Variants in SLC4A10 observed in about 807,000 individuals in gnomAD.
SLC4A10 encodes the protein solute carrier family 4 member 10, also known as sodium-driven chloride bicarbonate exchanger.
Under a neutral mutation model 137.7 loss-of-function variants are expected in SLC4A10, and 42 were observed. That is an observed-to-expected ratio of 0.30 (90% CI 0.24 to 0.39). SLC4A10 has a LOEUF of 0.39. SLC4A10 is among the 10% of genes least tolerant of loss of function. SLC4A10 has a pLI of 1.00. For synonymous variants in SLC4A10, 474 were observed against 464.1 expected (o/e 1.02, Z -0.27); for missense variants, 925 against 1,355.0 (o/e 0.68, Z 4.98).
Position 161,862,927 on chromosome 2 carries a change from C to G in SLC4A10, c.631C>G (p.His211Asp). The G allele has an allele frequency of 6.2e-7, 1 of 1,612,714 alleles. No homozygotes were observed. Among genetic ancestry groups the G allele is most frequent in the Non-Finnish European group, 8.5e-7 (1 of 1,179,304 alleles). The change falls in exon 6 of 27, where the codon CAT becomes GAT. Residue 211 changes from histidine to aspartate, a missense_variant. His to Asp is a moderately conservative substitution (Grantham distance 81). Transcript: ENST00000446997. ...AGGTCAGCTGAATGAAGATGTACGC[C>G]ATAGGGTCCATGAGGCATTGATGAA... ...SSGQLNEDVRHRVHEALMKQH... is the reference protein window; with the variant it reads ...SSGQLNEDVRDRVHEALMKQH...
At chr2:161,854,193 AC>A (rs1340474886) in intron 4 of SLC4A10, among the ~76,000 whole-genome samples, 1 of 152,200 alleles carries the variant, frequency 6.6e-6, no homozygotes, top group East Asian at 1.9e-4. Flanking sequence ...AGGATTAGAG[AC>A]CAAATTCCTA....
At chr2:161,828,794 ATATATATATATATATG>A (rs1195526661) in intron 3 of SLC4A10, among the ~76,000 whole-genome samples, 1 of 118,578 alleles carries the variant, frequency 8.4e-6, no homozygotes, top group African/African-American at 3.3e-5. Context: ...ATATATATAT[ATATATATATATATATG>A]TATAATCTAC....
At position 161,748,436 on chromosome 2, in the gene SLC4A10, T is replaced by TTGTGTGTGTG. The variant is rs144251917; in HGVS notation, c.49-22510_49-22501dup. Among the ~76,000 whole-genome samples the TTGTGTGTGTG allele has an allele frequency of 2.8e-3, 397 of 142,516 alleles. 4 individuals carry two copies. Among genetic ancestry groups the TTGTGTGTGTG allele is most frequent in the African/African-American group, 7.7e-3 (300 of 39,018 alleles). 93.5% of individuals were successfully genotyped at this position (142,516 alleles called of 152,430 possible). On this transcript the variant is annotated intron_variant, in intron 1 of 26. Coordinates refer to ENST00000446997, the MANE Select transcript of SLC4A10 (RefSeq NM_001178015.2). Reference sequence around the variant, plus strand: ...GTCTATGTCTTAAGCCATTTTGAGTTTGTGTGTGTGTGTGTGTGTGTGTGT... The same window carrying TTGTGTGTGTG: ...GTCTATGTCTTAAGCCATTTTGAGTTTGTGTGTGTGTGTGTGTGTGTGTGTGTGTGTGTGT...
Position 161,956,977 on chromosome 2 carries a change from T to C in SLC4A10, c.2542-12T>C, listed in dbSNP as rs1217429607. On this transcript the variant is annotated splice_polypyrimidine_tract_variant and intron_variant, in intron 19 of 26. Coordinates refer to ENST00000446997, the MANE Select transcript of SLC4A10 (RefSeq NM_001178015.2). ...CACAGTTTCTTTCTCTCTTTCTTTC[T>C]TTTTTAAACAGAAAGGTTGTGGGTA... The C allele has an allele frequency of 5.2e-6, 8 of 1,546,678 alleles. No homozygotes were observed. Among genetic ancestry groups the C allele is most frequent in the Non-Finnish European group, 7.0e-6 (8 of 1,146,528 alleles).
At chr2:161,959,365 T>C (rs1380916893) in intron 21 of SLC4A10, among the ~76,000 whole-genome samples, 3 of 152,238 alleles carry the variant, frequency 2.0e-5, no homozygotes, top group Non-Finnish European at 4.4e-5. Context: ...CAGATGGTTC[T>C]GGTTCAGGAT....
chr2:161,639,582 A>C (rs949534217), intron 1 of SLC4A10, among the ~76,000 whole-genome samples: 1 of 152,136 alleles, frequency 6.6e-6, no homozygotes, highest in Non-Finnish European at 1.5e-5. Context: ...TCCCTTTGTG[A>C]TAAAAACCCT....
At chr2:161,786,767 G>T (rs1389842737) in intron 2 of SLC4A10, among the ~76,000 whole-genome samples, 1 of 150,938 alleles carries the variant, frequency 6.6e-6, no homozygotes, top group African/African-American at 2.4e-5. Flanking sequence ...TTTATGACAG[G>T]AGAGTATTGT....
At chr2:161,963,433 G>T (rs983946833) in intron 21 of SLC4A10, among the ~76,000 whole-genome samples, 2 of 152,014 alleles carry the variant, frequency 1.3e-5, no homozygotes, top group African/African-American at 4.8e-5. Context: ...AGTTAATCAA[G>T]AAATTAAATA....
intron 3 of SLC4A10, among the ~76,000 whole-genome samples, chr2:161,812,329 C>T (rs1454751886): frequency 6.6e-6 from 1 of 151,966 alleles, no homozygotes; most frequent in Non-Finnish European, 1.5e-5. Flanking sequence ...TTGCTCATAT[C>T]CCTCTACTTT....
At chr2:161,633,167 T>C (rs563504659) in intron 1 of SLC4A10, among the ~76,000 whole-genome samples, 2 of 151,806 alleles carry the variant, frequency 1.3e-5, no homozygotes, top group South Asian at 4.1e-4. Context: ...AGATGCACTT[T>C]CAACTTATGA....
chr2:161,838,787 A>G (rs2058984761), intron 3 of SLC4A10, among the ~76,000 whole-genome samples: 1 of 152,252 alleles, frequency 6.6e-6, no homozygotes, highest in African/African-American at 2.4e-5. Flanking sequence ...ACTACATAGA[A>G]TGGCTACAAA....
intron 1 of SLC4A10, among the ~76,000 whole-genome samples, chr2:161,706,690 T>A: frequency 6.6e-6 from 1 of 151,566 alleles, no homozygotes; most frequent in Non-Finnish European, 1.5e-5. Context: ...CTCCTGACGC[T>A]TACCGTGACT....
intron 1 of SLC4A10, among the ~76,000 whole-genome samples, chr2:161,638,206 G>T (rs1252039126): frequency 6.6e-6 from 1 of 152,012 alleles, no homozygotes; most frequent in Non-Finnish European, 1.5e-5. Flanking sequence ...TCCTTGCCCA[G>T]ACCAATATCA....
chr2:161,874,518 C>A (rs1014751621), intron 8 of SLC4A10, among the ~76,000 whole-genome samples: 1 of 152,164 alleles, frequency 6.6e-6, no homozygotes, highest in Non-Finnish European at 1.5e-5. Flanking sequence ...CTTCTGGTCC[C>A]CCCTCAAACA....
intron 16 of SLC4A10, 143 bp from the exon 17 acceptor site, chr2:161,947,423 G>A: frequency 1.2e-6 from 1 of 806,210 alleles, no homozygotes; most frequent in Non-Finnish European, 1.8e-6. Context: ...AACTCGTAAT[G>A]TAATGCCTGC....
At chr2:161,970,203 A>G (rs767436767) in intron 23 of SLC4A10, among the ~76,000 whole-genome samples, 1 of 152,214 alleles carries the variant, frequency 6.6e-6, no homozygotes, top group African/African-American at 2.4e-5. Flanking sequence ...AATAATTTAC[A>G]TGATTACTTA....
intron 1 of SLC4A10, among the ~76,000 whole-genome samples, chr2:161,665,950 A>T (rs1053696149): frequency 2.0e-5 from 3 of 148,102 alleles, no homozygotes; most frequent in South Asian, 4.2e-4. Flanking sequence ...ATATATATAT[A>T]ATATATAAAG....
chr2:161,824,544 C>G (rs966884730), intron 3 of SLC4A10, among the ~76,000 whole-genome samples: 3 of 152,104 alleles, frequency 2.0e-5, no homozygotes, highest in Non-Finnish European at 4.4e-5. Context: ...CAACAGCAAA[C>G]AGAAACCATG....
intron 4 of SLC4A10, among the ~76,000 whole-genome samples, chr2:161,848,537 C>T (rs2059630776): frequency 1.3e-5 from 2 of 152,042 alleles, no homozygotes; most frequent in Non-Finnish European, 2.9e-5. Flanking sequence ...GTCTTTAATT[C>T]ATCTTGAGTT....
Sources: gnomAD v4.1 joint callset for allele counts (sites outside exome capture counted in the v4.1 genomes callset) on GRCh38, gnomAD v4.1.1 for gene constraint, MANE v1.5 for transcripts, NCBI Gene and HGNC (gene_info 2026-07-23, HGNC 2026-07-21) for gene names.